The following SLC13A4 variants were observed in gnomAD, a reference collection of about 807,000 sequenced individuals.
SLC13A4 encodes solute carrier family 13 member 4, also known as Na(+)/sulfate cotransporter SUT-1.
Under a neutral mutation model 72.7 loss-of-function variants are expected in SLC13A4, and 28 were observed. The ratio of observed to expected loss-of-function variants is 0.39; its 90% CI spans 0.29 to 0.53. The LOEUF (loss-of-function observed/expected upper bound fraction) is 0.53. Among genes scored for constraint, SLC13A4 ranks in the 20% least tolerant of loss-of-function variants. SLC13A4 has a pLI of 0.78. For missense variants in SLC13A4, 653 were observed against 788.0 expected, an observed-to-expected ratio of 0.83 and a Z score of 2.05; for synonymous variants, 312 against 325.5, an observed-to-expected ratio of 0.96 and a Z score of 0.45.
chr7:135,717,120 T>C (rs765037163), intron 2 of SLC13A4, among the ~76,000 whole-genome samples: 2 of 152,178 alleles, frequency 1.3e-5, no homozygotes, highest in Non-Finnish European at 2.9e-5. Context: ...ATAAGCCTTT[T>C]ATATTTTCAA....
chr7:135,727,312 T>G (rs1364438072), intron 1 of SLC13A4, 86 bp downstream of exon 1: 1 of 1,496,290 alleles, frequency 6.7e-7, no homozygotes, highest in Non-Finnish European at 9.0e-7. Flanking sequence ...AGGGACTGCC[T>G]GAGCGCCCCA....
Position 135,709,430 on chromosome 7 carries a change from A to ATTTTTT in SLC13A4, c.229-1181_229-1180insAAAAAA, listed in dbSNP as rs760725826. ...TCCTTTCTTTCTTTTTTTTTTAAAAAAAAATTTGAGACAGGGTCTCACTCT... is the reference window on the plus strand; with the variant it reads ...TCCTTTCTTTCTTTTTTTTTTAAAAATTTTTTAAAATTTGAGACAGGGTCTCACTCT... On this transcript the variant is annotated intron_variant, in intron 2 of 15. Coordinates refer to ENST00000682651, the MANE Select transcript of SLC13A4 (RefSeq NM_001318192.2). 4.5e-4 allele frequency among the ~76,000 whole-genome samples: 48 copies of ATTTTTT among 105,848 alleles called. 1 individual carries two copies. The highest frequency in any genetic ancestry group is 2.6e-3 in the South Asian group (9 of 3,400). The allele number at this position is 105,848 out of a possible 152,430, so 69.4% of individuals were successfully genotyped here.
intron 1 of SLC13A4, 141 bp downstream of exon 1, chr7:135,727,257 T>C: frequency 1.7e-6 from 2 of 1,145,298 alleles, no homozygotes; most frequent in South Asian, 3.2e-5. Flanking sequence ...TGGTTTCCTC[T>C]GGAAAAATCC....
chr7:135,721,346 G>T, intron 2 of SLC13A4, 49 bp downstream of exon 2: 1 of 1,603,620 alleles, frequency 6.2e-7, no homozygotes. Context: ...CTCTCTTTCA[G>T]GGGCCCTGCA....
At chr7:135,721,625 G>A in intron 1 of SLC13A4, 102 bp from the exon 2 acceptor site, 4 of 1,462,022 alleles carry the variant, frequency 2.7e-6, no homozygotes, top group Non-Finnish European at 2.8e-6. Context: ...AGACTGTAAC[G>A]CGGGTACTAG....
In SLC13A4 at chr7:135,699,516, C is replaced by T; in HGVS notation, c.747G>A (p.Arg249=). Residue 249 remains arginine (R), a synonymous_variant, in exon 8 of 16, where the codon AGG becomes AGA. Coordinates refer to ENST00000682651, the MANE Select transcript of SLC13A4 (RefSeq NM_001318192.2). The part of the protein sequence containing the change: ...EKPQVLTPSP[R]KQKLNRKYRS... ...TGTACTTTCTGTTCAGCTTCTGCTT[C>T]CTGGGGCTGGGGGTCAGGACTTGTG... 2 of 1,610,262 alleles carry T rather than the reference C, an allele frequency of 1.2e-6. No individual in the cohort carries two copies. The highest frequency in any genetic ancestry group is 1.7e-6 in the Non-Finnish European group (2 of 1,178,196).
At chr7:135,692,186 C>T in intron 11 of SLC13A4, 137 bp downstream of exon 11, 1 of 714,738 alleles carries the variant, frequency 1.4e-6, no homozygotes, top group East Asian at 2.6e-5. Flanking sequence ...TTTCACACTG[C>T]AGCCTCCCTA....
At chr7:135,724,500 GAAAAAAAA>G (rs5887740) in intron 1 of SLC13A4, among the ~76,000 whole-genome samples, 14 of 94,478 alleles carry the variant, frequency 1.5e-4, no homozygotes, top group East Asian at 9.4e-4. Flanking sequence ...CTCTGTCTCA[GAAAAAAAA>G]AAAAAAAAAA....
At chr7:135,683,856 C>T in intron 15 of SLC13A4, 1 of 890,916 alleles carries the variant, frequency 1.1e-6, no homozygotes, top group Non-Finnish European at 1.3e-6. Context: ...CCTTCTGGAA[C>T]TGGGCCACAG....
chr7:135,715,412 TGTGTATGA>T (rs1796408813), intron 2 of SLC13A4, among the ~76,000 whole-genome samples: 1 of 99,202 alleles, frequency 1.0e-5, no homozygotes, highest in Admixed American at 1.3e-4. Context: ...TGTATGAGTG[TGTGTATGA>T]GTGTGTGAGC....
intron 2 of SLC13A4, among the ~76,000 whole-genome samples, chr7:135,720,572 AAAC>A (rs1226475450): frequency 1.1e-4 from 16 of 145,304 alleles, no homozygotes; most frequent in East Asian, 8.2e-4. Flanking sequence ...AAAAAAAAAA[AAAC>A]CAAAAACAAA....
At chr7:135,705,532 C>T (rs1413316571) in intron 5 of SLC13A4, 64 bp downstream of exon 5, 7 of 1,511,770 alleles carry the variant, frequency 4.6e-6, no homozygotes, top group Non-Finnish European at 4.6e-6. Flanking sequence ...TCTAGGTCCC[C>T]TCTTTTCTGA....
In SLC13A4 at chr7:135,727,552, T is replaced by A; in HGVS notation, c.-56A>T. On this transcript the variant is annotated 5_prime_UTR_variant, in exon 1 of 16. Transcript: ENST00000682651. The stretch of plus-strand genomic sequence containing the variant: ...GACCCCGCTCTGCCGGCGAAAGGCT[T>A]CCTGCCTGGGCACTGCTCTCTATCC... 2.0e-6 allele frequency: 3 copies of A among 1,519,150 alleles called. No individual in the cohort carries two copies. Among genetic ancestry groups the A allele is most frequent in the Non-Finnish European group, 2.7e-6 (3 of 1,127,304 alleles). 94.1% of individuals were successfully genotyped at this position (1,519,150 alleles called of 1,614,324 possible).
At chr7:135,701,198 C>T (rs1354297301) in intron 7 of SLC13A4, among the ~76,000 whole-genome samples, 1 of 152,178 alleles carries the variant, frequency 6.6e-6, no homozygotes, top group Non-Finnish European at 1.5e-5. Flanking sequence ...GGATATTAAA[C>T]AAGTGAGACT....
At chr7:135,702,662 C>A in intron 6 of SLC13A4, 183 bp downstream of exon 6, 1 of 604,896 alleles carries the variant, frequency 1.7e-6, no homozygotes, top group Non-Finnish European at 3.0e-6. Context: ...AGGCATGAGC[C>A]ACCACGCCCA....
intron 3 of SLC13A4, 93 bp downstream of exon 3, chr7:135,708,021 T>C: frequency 6.7e-7 from 1 of 1,483,136 alleles, no homozygotes; most frequent in Non-Finnish European, 9.2e-7. Flanking sequence ...ACAGCTGAAG[T>C]GGACATCCCG....
Position 135,727,854 on chromosome 7 carries a change from C to T in SLC13A4, c.-358G>A, listed in dbSNP as rs954131211. The stretch of plus-strand genomic sequence containing the variant: ...ACCCCCTTAATCCTTTAAGCCACAC[C>T]TTTGCTGCTGCTGCTCGGCCTTGAA... On this transcript the variant is annotated 5_prime_UTR_variant, in exon 1 of 16. Transcript: ENST00000682651. The T allele has an allele frequency of 4.0e-5, 9 of 222,248 alleles. No individual in the cohort carries two copies. The highest frequency in any genetic ancestry group is 7.0e-5 in the Non-Finnish European group (8 of 114,608). The allele number at this position is 222,248 out of a possible 1,614,324, so 13.8% of individuals were successfully genotyped here.
At position 135,721,387 on chromosome 7, in the gene SLC13A4, A is replaced by T. The variant is rs781562393; in HGVS notation, c.228+8T>A. On this transcript the variant is annotated splice_region_variant and intron_variant, in intron 2 of 15. Coordinates refer to ENST00000682651, the MANE Select transcript of SLC13A4 (RefSeq NM_001318192.2). Reference sequence around the variant, plus strand: ...CCAGGCAGGGGGTGGGGCTACAAGTAGTCTAACCTCATTGGACCGGAGGAC... The same window carrying T: ...CCAGGCAGGGGGTGGGGCTACAAGTTGTCTAACCTCATTGGACCGGAGGAC... 2 of 1,613,740 alleles carry T rather than the reference A, an allele frequency of 1.2e-6. No homozygotes were observed. The highest frequency in any genetic ancestry group is 1.7e-6 in the Non-Finnish European group (2 of 1,179,762).
chr7:135,686,928 G>A lies in SLC13A4; in HGVS notation c.1447-1245C>T, dbSNP rs1025679687. On this transcript the variant is annotated intron_variant, in intron 13 of 15. Coordinates refer to ENST00000682651, the MANE Select transcript of SLC13A4 (RefSeq NM_001318192.2). The stretch of plus-strand genomic sequence containing the variant: ...AAAAATTAGCTAGGTGTGGTGGCAC[G>A]CGCCTGTAATCCCAGCTATTCAGGA... Among the ~76,000 whole-genome samples, 9 of 152,092 alleles carry A rather than the reference G, an allele frequency of 5.9e-5. 1 individual carries two copies. Among genetic ancestry groups the A allele is most frequent in the East Asian group, 5.8e-4 (3 of 5,182 alleles).
Sources: allele counts gnomAD v4.1 joint callset (sites outside exome capture counted in the v4.1 genomes callset), GRCh38; gene constraint gnomAD v4.1.1; transcripts MANE v1.5; gene names NCBI Gene and HGNC (gene_info 2026-07-23, HGNC 2026-07-21).